Variants in COX16 observed in about 807,000 individuals in gnomAD.
COX16 encodes cytochrome c oxidase assembly protein COX16 homolog, mitochondrial.
A neutral mutation model predicts 15.4 loss-of-function variants in COX16; 12 were observed. The ratio of observed to expected loss-of-function variants is 0.78; its 90% CI spans 0.50 to 1.26. COX16 has a LOEUF of 1.26. Among genes scored for constraint, COX16 ranks in the 50% most tolerant of loss-of-function variants. COX16 has a pLI of 0.00. For missense variants in COX16, 124 were observed against 127.6 expected (o/e 0.97, Z 0.14); for synonymous variants, 46 against 41.1 (o/e 1.12, Z -0.46).
In COX16 at chr14:70,326,373, TGGA is replaced by T. The variant is rs1490895054; in HGVS notation, c.278_280del (p.Leu93del). 1 of 1,590,604 alleles carries T rather than the reference TGGA, an allele frequency of 6.3e-7. No homozygotes were observed. Among genetic ancestry groups the T allele is most frequent in the Non-Finnish European group, 8.6e-7 (1 of 1,168,226 alleles). On this transcript the variant is annotated inframe_deletion, in exon 4 of 4. Transcript: ENST00000389912. ...CTTAAGGCTTTCTGGATTTCTTCCT[TGGA>T]GGAGGTCAGGATCTTCCCAAGGCCT...
Position 70,326,449 on chromosome 14 carries a change from T to C in COX16, c.205A>G (p.Lys69Glu), listed in dbSNP as rs756319016. The C allele has an allele frequency of 1.1e-4, 171 of 1,572,030 alleles. No individual in the cohort carries two copies. Among genetic ancestry groups the C allele is most frequent in the Non-Finnish European group, 1.4e-4 (163 of 1,164,244 alleles). Residue 69 changes from lysine (K) to glutamate (E), a missense_variant and splice_region_variant, in exon 4 of 4, where the codon AAA becomes GAA. Physicochemically the swap from Lys to Glu is moderately conservative, Grantham distance 56. Transcript: ENST00000389912. ...TCATCAAACTTGGAGTCTTTGATTT[T>C]CTATAGAACCACAAAAAATTAAAGT... The part of the protein sequence containing the change: ...NKISLESEYE[K>E]IKDSKFDDWK...
At chr14:70,326,770 G>T (rs1228746023) in intron 3 of COX16, among the ~76,000 whole-genome samples, 1 of 151,946 alleles carries the variant, frequency 6.6e-6, no homozygotes, top group Non-Finnish European at 1.5e-5. Flanking sequence ...AAATCTGAAG[G>T]CTGATCCAGC....
chr14:70,348,595 A>G (rs780025651), intron 1 of COX16, among the ~76,000 whole-genome samples: 3 of 152,066 alleles, frequency 2.0e-5, no homozygotes, highest in African/African-American at 4.8e-5. Context: ...ACTGAAGCCA[A>G]TCCGCTCCCC....
chr14:70,358,285 A>C (rs1398496026), intron 1 of COX16, among the ~76,000 whole-genome samples: 2 of 151,930 alleles, frequency 1.3e-5, no homozygotes, highest in Non-Finnish European at 2.9e-5. Flanking sequence ...AAAATGTTCT[A>C]AAATTGTGGT....
At chr14:70,349,566 T>C (rs1481063961) in intron 1 of COX16, among the ~76,000 whole-genome samples, 1 of 152,144 alleles carries the variant, frequency 6.6e-6, no homozygotes, top group Non-Finnish European at 1.5e-5. Flanking sequence ...CAGGCCTCAA[T>C]CTTCAGGCAA....
intron 1 of COX16, among the ~76,000 whole-genome samples, chr14:70,345,851 A>G (rs1254136888): frequency 6.7e-6 from 1 of 150,200 alleles, no homozygotes; most frequent in Non-Finnish European, 1.5e-5. Flanking sequence ...ACTGCTATCC[A>G]CCCCTCCCAA....
At chr14:70,330,540 C>T (rs1159291926) in intron 2 of COX16, among the ~76,000 whole-genome samples, 1 of 152,146 alleles carries the variant, frequency 6.6e-6, no homozygotes, top group Non-Finnish European at 1.5e-5. Context: ...AACAGGCCAG[C>T]TTCATATATG....
chr14:70,343,052 A>G (rs1403362886), intron 1 of COX16, among the ~76,000 whole-genome samples: 1 of 150,836 alleles, frequency 6.6e-6, no homozygotes, highest in Non-Finnish European at 1.5e-5. Context: ...TAAGAAAAAA[A>G]CAAAAACAAA....
chr14:70,351,539 T>C (rs1424907678), intron 1 of COX16, among the ~76,000 whole-genome samples: 4 of 152,228 alleles, frequency 2.6e-5, no homozygotes, highest in African/African-American at 7.2e-5. Flanking sequence ...TTTTCTTCTT[T>C]ACTTTACCAT....
intron 1 of COX16, among the ~76,000 whole-genome samples, chr14:70,344,949 C>T (rs1485470435): frequency 2.0e-5 from 3 of 150,728 alleles, no homozygotes; most frequent in Non-Finnish European, 2.9e-5. Flanking sequence ...CCTGCACCCA[C>T]GCGCTCATCA....
chr14:70,335,073 T>C (rs761093557), intron 2 of COX16, among the ~76,000 whole-genome samples: 4 of 152,034 alleles, frequency 2.6e-5, no homozygotes, highest in South Asian at 2.1e-4. Flanking sequence ...TCAGATAAAA[T>C]AGACTTAAGT....
intron 1 of COX16, among the ~76,000 whole-genome samples, chr14:70,343,861 A>G (rs533594109): frequency 2.0e-4 from 31 of 152,320 alleles, no homozygotes; most frequent in African/African-American, 7.5e-4. Context: ...GGGAATAACA[A>G]TGGGGAATTG....
In COX16 at chr14:70,343,423, C is replaced by T. The variant is rs558436563; in HGVS notation, c.70-694G>A. Among the ~76,000 whole-genome samples, 16 of 152,260 alleles carry T rather than the reference C, an allele frequency of 1.1e-4. No individual in the cohort carries two copies. In the South Asian group the frequency reaches 2.1e-3, roughly 20 times the overall value. On this transcript the variant is annotated intron_variant, in intron 1 of 3. Coordinates refer to ENST00000389912, the MANE Select transcript of COX16 (RefSeq NM_016468.7). ...TTTTGTTTAAGGTTTTCCTTCTTTT[C>T]GTACTATGATTACACAAGGTAAACC...
intron 1 of COX16, among the ~76,000 whole-genome samples, chr14:70,346,383 C>T (rs1886782189): frequency 1.3e-5 from 2 of 152,238 alleles, no homozygotes; most frequent in African/African-American, 2.4e-5. Flanking sequence ...TAGCAACCTA[C>T]CTCCACTTGG....
In COX16 at chr14:70,338,237, C is replaced by G. The variant is rs188107605; in HGVS notation, c.141+4421G>C. On this transcript the variant is annotated intron_variant, in intron 2 of 3. Transcript: ENST00000389912. ...AAATCAATCCTCCCAGATCAGCCTC[C>G]GAGTAGCTGGGACTGCGGGCACGCA... Among the ~76,000 whole-genome samples, 6 of 152,268 alleles carry G rather than the reference C, an allele frequency of 3.9e-5. No homozygotes were observed. The East Asian group carries it at 7.7e-4, about 20-fold the overall frequency.
At chr14:70,350,765 G>A (rs963633114) in intron 1 of COX16, among the ~76,000 whole-genome samples, 7 of 152,134 alleles carry the variant, frequency 4.6e-5, no homozygotes, top group Admixed American at 4.6e-4. Context: ...AATTAAAAAT[G>A]AACAAACAAT....
At chr14:70,333,487 T>C (rs11847015) in intron 2 of COX16, among the ~76,000 whole-genome samples, 232 of 151,680 alleles carry the variant, frequency 1.5e-3, no homozygotes, top group African/African-American at 4.8e-3. Context: ...AGCAAACAGA[T>C]GAAAGATCAG....
chr14:70,337,757 G>A (rs118148262), intron 2 of COX16, among the ~76,000 whole-genome samples: 1,591 of 152,194 alleles, frequency 0.01, 11 homozygotes, highest in Non-Finnish European at 0.015. Flanking sequence ...CTACTAGAAT[G>A]TGTAATAAAG....
At position 70,326,237 on chromosome 14, in the gene COX16, G is replaced by A. The variant is rs889733987; in HGVS notation, c.*96C>T. The A allele has an allele frequency of 9.6e-7, 1 of 1,039,492 alleles. No homozygotes were observed. Among genetic ancestry groups the A allele is most frequent in the African/African-American group, 1.7e-5 (1 of 59,870 alleles). 64.4% of individuals were successfully genotyped at this position (1,039,492 alleles called of 1,614,324 possible). A position where few individuals can be genotyped will look rare whatever the true frequency, so the allele number is the denominator to read the frequency against. On this transcript the variant is annotated 3_prime_UTR_variant, in exon 4 of 4. Transcript: ENST00000389912. Reference sequence around the variant, plus strand: ...CCATATCCAAGTTTCCATGGGCCTGGAATTTCCTTTCCACTTGATAGAAGT... The same window carrying A: ...CCATATCCAAGTTTCCATGGGCCTGAAATTTCCTTTCCACTTGATAGAAGT...
Sources: gnomAD v4.1 joint callset for allele counts (sites outside exome capture counted in the v4.1 genomes callset) on GRCh38, gnomAD v4.1.1 for gene constraint, MANE v1.5 for transcripts, NCBI Gene and HGNC (gene_info 2026-07-23, HGNC 2026-07-21) for gene names.